The following MAML2 variants were observed in gnomAD, a reference collection of about 807,000 sequenced individuals.
MAML2 encodes the protein mastermind like transcriptional coactivator 2, also known as mastermind-like protein 2.
MAML2 carries 22 observed loss-of-function variants against 96.1 expected under a neutral mutation model. The observed-to-expected ratio is 0.23, with a 90% confidence interval of 0.16 to 0.33. The LOEUF (loss-of-function observed/expected upper bound fraction) is 0.33, where lower values mean the gene tolerates loss of function less well. Among genes scored for constraint, MAML2 ranks in the 10% least tolerant of loss-of-function variants. MAML2 has a pLI of 1.00. For missense variants in MAML2, 1,367 were observed against 1,392.4 expected, an observed-to-expected ratio of 0.98 and a Z score of 0.29; for synonymous variants, 561 against 521.3, an observed-to-expected ratio of 1.08 and a Z score of -1.04.
In MAML2 at chr11:96,070,571, G is replaced by T. The variant is rs140554164; in HGVS notation, c.2139+21321C>A. On this transcript the variant is annotated intron_variant, in intron 2 of 4. Transcript: ENST00000524717. Reference sequence around the variant, plus strand: ...CCAGCTGCAGCCTTGCAGAGAGCTGGTACCTGTGTAGGCACCTGGAGCTGC... The same window carrying T: ...CCAGCTGCAGCCTTGCAGAGAGCTGTTACCTGTGTAGGCACCTGGAGCTGC... 9.9e-3 allele frequency among the ~76,000 whole-genome samples: 1,515 copies of T among 152,354 alleles called. 23 individuals are homozygous for T. Among genetic ancestry groups the T allele is most frequent in the South Asian group, 0.038 (185 of 4,830 alleles).
intron 2 of MAML2, among the ~76,000 whole-genome samples, chr11:95,992,382 T>C (rs1284548080): frequency 1.3e-5 from 2 of 152,320 alleles, no homozygotes; most frequent in African/African-American, 4.8e-5. Context: ...GATTAAAAAC[T>C]CAACTGTATA....
At chr11:96,295,676 G>T (rs1863285178) in intron 1 of MAML2, among the ~76,000 whole-genome samples, 1 of 109,234 alleles carries the variant, frequency 9.2e-6, no homozygotes. Context: ...CTGCTCTGCT[G>T]CTGTAACACA....
At chr11:96,138,493 A>T (rs1860674483) in intron 1 of MAML2, among the ~76,000 whole-genome samples, 1 of 152,150 alleles carries the variant, frequency 6.6e-6, no homozygotes, top group Non-Finnish European at 1.5e-5. Context: ...TTTATGAAAA[A>T]TCTATTCCAG....
intron 1 of MAML2, among the ~76,000 whole-genome samples, chr11:96,255,532 C>G (rs548017018): frequency 6.6e-6 from 1 of 152,326 alleles, no homozygotes; most frequent in Non-Finnish European, 1.5e-5. Context: ...TATTTTCTCA[C>G]TTTCACATTT....
At chr11:96,009,601 C>G (rs146463639) in intron 2 of MAML2, among the ~76,000 whole-genome samples, 1 of 152,172 alleles carries the variant, frequency 6.6e-6, no homozygotes, top group Non-Finnish European at 1.5e-5. Flanking sequence ...TGTGTACTTA[C>G]TACTCTACTG....
intron 1 of MAML2, among the ~76,000 whole-genome samples, chr11:96,224,120 T>A (rs535168479): frequency 6.6e-6 from 1 of 152,276 alleles, no homozygotes; most frequent in African/African-American, 2.4e-5. Flanking sequence ...AGTTTCTTTA[T>A]CAGTAAAATG....
At chr11:96,152,939 A>G (rs35964635) in intron 1 of MAML2, among the ~76,000 whole-genome samples, 10,953 of 152,246 alleles carry the variant, frequency 0.072, 567 homozygotes, top group Non-Finnish European at 0.11. Context: ...CTCAAGGTGG[A>G]GGAACCAAGG....
At chr11:96,002,516 C>T (rs775790896) in intron 2 of MAML2, among the ~76,000 whole-genome samples, 10 of 150,062 alleles carry the variant, frequency 6.7e-5, no homozygotes, top group African/African-American at 1.5e-4. Context: ...ATGACAATGA[C>T]GATGATGATG....
intron 1 of MAML2, among the ~76,000 whole-genome samples, chr11:96,327,572 T>C (rs1863801963): frequency 6.6e-6 from 1 of 151,852 alleles, no homozygotes; most frequent in African/African-American, 2.4e-5. Context: ...TGCCACTGTG[T>C]CCAGCACATT....
chr11:96,092,876 T>C lies in MAML2; in HGVS notation c.1155A>G (p.Pro385=), dbSNP rs939935568. The C allele has an allele frequency of 1.2e-6, 2 of 1,605,700 alleles. No homozygotes were observed. The highest frequency in any genetic ancestry group is 2.7e-5 in the African/African-American group (2 of 74,806). Residue 385 remains proline (P), a synonymous_variant, in exon 2 of 5, where the codon CCA becomes CCG. Transcript: ENST00000524717. The surrounding 1 kb of genome is among the most constrained non-coding windows in gnomAD (Gnocchi z 4.1). ...CCATGGAGAATGCGGGGCCAGCTGA[T>C]GGGGGCCTCAGCTGAGGAGAGCCTG... is the stretch of plus-strand genomic sequence containing the variant. ...GPSGSPQLRP[P]SAGPAFSMAN...
In MAML2 at chr11:96,136,210, C is replaced by T. The variant is rs1860629016; in HGVS notation, c.514-42693G>A. The stretch of plus-strand genomic sequence containing the variant: ...GTAAGTCACAATTATCTAAACTTTT[C>T]CCACTTACCATCAGTTTTCTCCTCT... On this transcript the variant is annotated intron_variant, in intron 1 of 4. Coordinates refer to ENST00000524717, the MANE Select transcript of MAML2 (RefSeq NM_032427.4). 2.0e-5 allele frequency among the ~76,000 whole-genome samples: 3 copies of T among 152,098 alleles called. No homozygotes were observed. The South Asian group carries it at 6.2e-4, about 32-fold the overall frequency.
chr11:95,983,862 T>C (rs1372555912), intron 4 of MAML2, among the ~76,000 whole-genome samples: 1 of 152,010 alleles, frequency 6.6e-6, no homozygotes, highest in Admixed American at 6.6e-5. Context: ...AGCAAAAAAA[T>C]TAATGTAAAA....
chr11:96,154,653 T>A (rs1031310247), intron 1 of MAML2, among the ~76,000 whole-genome samples: 1 of 152,146 alleles, frequency 6.6e-6, no homozygotes, highest in Non-Finnish European at 1.5e-5. Flanking sequence ...TTCAACAAAC[T>A]CTCAGAGGTA....
chr11:96,263,171 C>A (rs2135974649), intron 1 of MAML2, among the ~76,000 whole-genome samples: 1 of 152,282 alleles, frequency 6.6e-6, no homozygotes, highest in South Asian at 2.1e-4. Flanking sequence ...TTAATCAATT[C>A]TGATTTATTC....
intron 4 of MAML2, among the ~76,000 whole-genome samples, chr11:95,983,894 G>T (rs549909395): frequency 6.6e-6 from 1 of 152,036 alleles, no homozygotes; most frequent in Non-Finnish European, 1.5e-5. Flanking sequence ...ATTAAAGAAA[G>T]AAATTTTTAA....
Position 95,991,563 on chromosome 11 carries a change from T to A in MAML2, c.2300A>T (p.Gln767Leu). ...CTGCTGGAGAAGAAGTTGCTGTTTC[T>A]GCTCCATGATCTGCCTCTGTAGAGT... ...KQTLQRQIME[Q>L]KQQLLLQQQM... The change falls in exon 3 of 5, where the codon CAG becomes CTG. Residue 767 changes from glutamine to leucine, a missense_variant. By Grantham distance (113) the Gln-to-Leu change is moderately radical. Transcript: ENST00000524717. 6.2e-7 allele frequency: 1 copy of A among 1,613,832 alleles called. No individual in the cohort carries two copies. Among genetic ancestry groups the A allele is most frequent in the South Asian group, 1.1e-5 (1 of 91,082 alleles).
chr11:96,211,555 G>A (rs962163470), intron 1 of MAML2, among the ~76,000 whole-genome samples: 1 of 152,092 alleles, frequency 6.6e-6, no homozygotes, highest in Non-Finnish European at 1.5e-5. Flanking sequence ...ATGAAATACT[G>A]ACTTGCAGGG....
intron 1 of MAML2, among the ~76,000 whole-genome samples, chr11:96,227,426 G>A (rs1414655310): frequency 6.6e-6 from 1 of 152,132 alleles, no homozygotes; most frequent in Non-Finnish European, 1.5e-5. Flanking sequence ...AAGAATGCAG[G>A]GAGTGGTTCT....
chr11:96,272,111 A>C (rs1255829487), intron 1 of MAML2, among the ~76,000 whole-genome samples: 2 of 152,028 alleles, frequency 1.3e-5, no homozygotes, highest in African/African-American at 2.4e-5. Context: ...CCTATTTAAA[A>C]CTGACTCCTT....
Sources: gnomAD v4.1 joint callset for allele counts (sites outside exome capture counted in the v4.1 genomes callset) on GRCh38, gnomAD v4.1.1 for gene constraint, Gnocchi (gnomAD v3.1) non-coding constraint, MANE v1.5 for transcripts, NCBI Gene and HGNC (gene_info 2026-07-23, HGNC 2026-07-21) for gene names.